Variants in ACBD6 observed in about 807,000 individuals in gnomAD.
ACBD6 encodes acyl-CoA binding domain containing 6.
A neutral mutation model predicts 37.2 loss-of-function variants in ACBD6; 28 were observed. The observed-to-expected ratio is 0.75, with a 90% confidence interval of 0.56 to 1.03. The LOEUF (loss-of-function observed/expected upper bound fraction) is 1.03, where lower values mean the gene tolerates loss of function less well. ACBD6 is among the 50% of genes least tolerant of loss of function. ACBD6 has a pLI of 0.00. For synonymous variants in ACBD6, 113 were observed against 126.8 expected (o/e 0.89, Z 0.73); for missense variants, 340 against 337.4 (o/e 1.01, Z -0.06).
At chr1:180,331,750 G>A (rs1651488874) in intron 6 of ACBD6, among the ~76,000 whole-genome samples, 2 of 152,122 alleles carry the variant, frequency 1.3e-5, no homozygotes, top group African/African-American at 4.8e-5. Flanking sequence ...TTCCACTTCT[G>A]TAAATTTTTC....
At chr1:180,303,327 T>G (rs1362248117) in intron 7 of ACBD6, among the ~76,000 whole-genome samples, 2 of 150,818 alleles carry the variant, frequency 1.3e-5, no homozygotes, top group African/African-American at 4.8e-5. Context: ...GCTGGTTTTT[T>G]GAAAAGATCA....
intron 3 of ACBD6, among the ~76,000 whole-genome samples, chr1:180,453,945 T>C (rs1649812996): frequency 6.6e-6 from 1 of 151,402 alleles, no homozygotes; most frequent in Admixed American, 6.6e-5. Context: ...AGAATCAATG[T>C]CATGAAAAGT....
chr1:180,328,597 A>G (rs919650199), intron 6 of ACBD6, among the ~76,000 whole-genome samples: 4 of 152,136 alleles, frequency 2.6e-5, no homozygotes, highest in Admixed American at 6.5e-5. Context: ...TTTACTTAAA[A>G]TATAAATTTT....
chr1:180,290,826 G>A (rs1017014524), intron 7 of ACBD6, among the ~76,000 whole-genome samples: 2 of 152,204 alleles, frequency 1.3e-5, no homozygotes, highest in African/African-American at 4.8e-5. Flanking sequence ...ACAAAGAGTT[G>A]AAAGTACAGA....
rs34773334 is a variant in ACBD6, at chr1:180,361,275, C to CTTTT, written c.663+36237_663+36240dup. On this transcript the variant is annotated intron_variant, in intron 6 of 7. Transcript: ENST00000367595. ...TTTGTTACAAGCAACTTTTTTTTTC[C>CTTTT]TTTTTTTTTTTTTTTTAAACAGGTG... Among the ~76,000 whole-genome samples, 9 of 135,670 alleles carry CTTTT rather than the reference C, an allele frequency of 6.6e-5. No individual in the cohort carries two copies. The South Asian group carries it at 1.6e-3, about 24-fold the overall frequency. The allele number at this position is 135,670 out of a possible 152,430, so 89.0% of individuals were successfully genotyped here.
intron 3 of ACBD6, chr1:180,434,748 T>C: frequency 1.7e-6 from 1 of 576,120 alleles, no homozygotes; most frequent in South Asian, 1.8e-5. Flanking sequence ...TAAAACTACC[T>C]CAACAGGCCA....
intron 6 of ACBD6, among the ~76,000 whole-genome samples, chr1:180,323,721 C>A (rs150991354): frequency 6.6e-6 from 1 of 152,002 alleles, no homozygotes; most frequent in Non-Finnish European, 1.5e-5. Flanking sequence ...GCTACTCCTG[C>A]TCTTTTTTTG....
At chr1:180,300,176 G>A (rs1055984192) in intron 7 of ACBD6, among the ~76,000 whole-genome samples, 5 of 152,062 alleles carry the variant, frequency 3.3e-5, no homozygotes, top group African/African-American at 1.2e-4. Flanking sequence ...AATCCCCAAA[G>A]ACATCCCCAA....
intron 4 of ACBD6, among the ~76,000 whole-genome samples, chr1:180,417,007 G>A (rs1056111731): frequency 6.6e-6 from 1 of 152,090 alleles, no homozygotes; most frequent in Non-Finnish European, 1.5e-5. Flanking sequence ...CAGTATTCTA[G>A]TAAATAGACA....
At chr1:180,277,481 A>G (rs1177254184) in intron 9 of ACBD6, 1 of 152,234 alleles carries the variant, frequency 6.6e-6, no homozygotes, top group Non-Finnish European at 1.5e-5. Flanking sequence ...TCTTGAATCC[A>G]GGAGCAAATT....
chr1:180,274,710 G>T, exon 10 of ACBD6: 1 of 1,116,788 alleles, frequency 9.0e-7, no homozygotes, highest in Non-Finnish European at 1.3e-6. Context: ...GAAGTCCTCC[G>T]CTGATTCCTA....
chr1:180,305,734 C>T (rs1328465165), intron 7 of ACBD6, among the ~76,000 whole-genome samples: 1 of 152,194 alleles, frequency 6.6e-6, no homozygotes, highest in Non-Finnish European at 1.5e-5. Context: ...CCATTTGACC[C>T]AGCCATTCCA....
chr1:180,441,638 T>C (rs989653570), intron 3 of ACBD6, among the ~76,000 whole-genome samples: 1 of 152,248 alleles, frequency 6.6e-6, no homozygotes, highest in Non-Finnish European at 1.5e-5. Context: ...TTAAAGGCTA[T>C]TGTAAATGGA....
At chr1:180,271,772 T>C in exon 14 of ACBD6, 1 of 1,581,566 alleles carries the variant, frequency 6.3e-7, no homozygotes, top group South Asian at 1.1e-5. Context: ...GCCTAGGGGG[T>C]CCTGGGGGCT....
At chr1:180,345,172 G>C (rs1652132725) in intron 6 of ACBD6, among the ~76,000 whole-genome samples, 1 of 152,148 alleles carries the variant, frequency 6.6e-6, no homozygotes, top group Non-Finnish European at 1.5e-5. Context: ...CTTGCTTATT[G>C]CATACTGTTT....
At chr1:180,314,950 G>A (rs1257723504) in intron 6 of ACBD6, among the ~76,000 whole-genome samples, 1 of 152,156 alleles carries the variant, frequency 6.6e-6, no homozygotes, top group Non-Finnish European at 1.5e-5. Flanking sequence ...GGAGTAACAG[G>A]ATGACCAGTT....
At chr1:180,440,865 T>G (rs981024646) in intron 3 of ACBD6, among the ~76,000 whole-genome samples, 1 of 152,230 alleles carries the variant, frequency 6.6e-6, no homozygotes, top group African/African-American at 2.4e-5. Flanking sequence ...ATCTATATTA[T>G]AGCATGTATC....
intron 7 of ACBD6, among the ~76,000 whole-genome samples, chr1:180,303,060 G>C (rs1422978028): frequency 6.6e-6 from 1 of 151,898 alleles, no homozygotes; most frequent in Admixed American, 6.6e-5. Flanking sequence ...AAACCAATGA[G>C]AACAAAGACA....
In ACBD6 at chr1:180,336,330, A is replaced by G. The variant is rs1319493529; in HGVS notation, c.664-21608T>C. Reference sequence around the variant, plus strand: ...AAACTGTCTCTCAGACCACAGTGCAATCAAACTAGAACTCAGGATTAAGAA... The same window carrying G: ...AAACTGTCTCTCAGACCACAGTGCAGTCAAACTAGAACTCAGGATTAAGAA... On this transcript the variant is annotated intron_variant, in intron 6 of 7. Coordinates refer to ENST00000367595, the MANE Select transcript of ACBD6 (RefSeq NM_032360.4). 2.7e-5 allele frequency among the ~76,000 whole-genome samples: 4 copies of G among 148,800 alleles called. 1 individual carries two copies. The highest frequency in any genetic ancestry group is 5.0e-5 in the African/African-American group (2 of 39,988).
Sources: allele counts gnomAD v4.1 joint callset (sites outside exome capture counted in the v4.1 genomes callset), GRCh38; gene constraint gnomAD v4.1.1; transcripts MANE v1.5; gene names NCBI Gene and HGNC (gene_info 2026-07-23, HGNC 2026-07-21).